The following CTTN variants were observed in gnomAD, a reference collection of about 807,000 sequenced individuals.
CTTN encodes the protein src substrate cortactin.
CTTN carries 28 observed loss-of-function variants against 84.0 expected under a neutral mutation model. The ratio of observed to expected loss-of-function variants is 0.33; its 90% confidence interval spans 0.25 to 0.46. CTTN has a LOEUF of 0.46. Among genes scored for constraint, CTTN ranks in the 20% least tolerant of loss-of-function variants. The pLI, the probability that CTTN is intolerant of heterozygous loss-of-function variation, is 1.00. For missense variants in CTTN, 641 were observed against 723.8 expected (o/e 0.89, Z 1.31); for synonymous variants, 301 against 288.8 (o/e 1.04, Z -0.43).
intron 1 of CTTN, among the ~76,000 whole-genome samples, chr11:70,400,886 C>T (rs7948535): frequency 0.091 from 13,878 of 152,244 alleles, 913 homozygotes; most frequent in Non-Finnish European, 0.12. Context: ...ATGTTGGGGG[C>T]GGGGTTTCCC....
chr11:70,435,253 G>GTTTTGT lies in CTTN; in HGVS notation c.*95_*96insGTTTTT, dbSNP rs1349850788. On this transcript the variant is annotated 3_prime_UTR_variant, in exon 18 of 18. Coordinates refer to ENST00000301843, the MANE Select transcript of CTTN (RefSeq NM_005231.4). ...TCTTGGGTGGTTTTGGGTTTTTTCTGTTTTTTTTTTTTTTTTTTTTTTTTT... is the reference window on the plus strand; with the variant it reads ...TCTTGGGTGGTTTTGGGTTTTTTCTGTTTTGTTTTTTTTTTTTTTTTTTTTTTTTTT... The GTTTTGT allele has an allele frequency of 3.9e-6, 3 of 760,282 alleles. No individual in the cohort carries two copies. The highest frequency in any genetic ancestry group is 7.6e-5 in the Admixed American group (1 of 13,216). The allele number at this position is 760,282 out of a possible 1,614,324, so 47.1% of individuals were successfully genotyped here. A position where few individuals can be genotyped will look rare whatever the true frequency, so the allele number is the denominator to read the frequency against.
intron 5 of CTTN, among the ~76,000 whole-genome samples, chr11:70,411,876 C>G (rs2058100052): frequency 1.3e-5 from 2 of 152,184 alleles, no homozygotes; most frequent in Admixed American, 1.3e-4. Flanking sequence ...CCCCTCCGGG[C>G]TGGGCTTTTC....
chr11:70,419,323 T>C (rs2058201632), intron 8 of CTTN, among the ~76,000 whole-genome samples: 1 of 152,044 alleles, frequency 6.6e-6, no homozygotes, highest in African/African-American at 2.4e-5. Context: ...TTGGTCAGGC[T>C]GGACTTAAAC....
At chr11:70,398,925 G>T (rs1317731622) in intron 1 of CTTN, among the ~76,000 whole-genome samples, 3 of 151,488 alleles carry the variant, frequency 2.0e-5, no homozygotes, top group Non-Finnish European at 4.4e-5. Context: ...CCAAATTGGG[G>T]TATCAGCTCT....
In CTTN at chr11:70,435,159, G is replaced by T; in HGVS notation, c.1650G>T (p.Gln550His). ...LFPANYVELRQ is the reference protein window; with the variant it reads ...LFPANYVELRH ...CAGCCAACTATGTGGAGCTGCGGCA[G>T]TAGGGCCCCCAGCCCCCCCCCGGAG... Residue 550 changes from glutamine (Q) to histidine (H), a missense_variant, in exon 18 of 18, where the codon CAG becomes CAT. This residue lies in a region of CTTN where 68 missense variants were observed against 102.2 expected (regional missense o/e 0.67). Coordinates refer to ENST00000301843, the MANE Select transcript of CTTN (RefSeq NM_005231.4). The T allele has an allele frequency of 1.2e-6, 2 of 1,605,026 alleles. No individual in the cohort carries two copies. The highest frequency in any genetic ancestry group is 1.1e-5 in the South Asian group (1 of 90,740).
chr11:70,398,918 A>G (rs2057941811), intron 1 of CTTN, among the ~76,000 whole-genome samples: 1 of 149,920 alleles, frequency 6.7e-6, no homozygotes, highest in East Asian at 2.0e-4. Flanking sequence ...AAAGGGGCCA[A>G]ATTGGGGTAT....
Position 70,435,127 on chromosome 11 carries a change from C to G in CTTN, c.1618C>G (p.Leu540Val), listed in dbSNP as rs751499583. 6.2e-7 allele frequency: 1 copy of G among 1,613,194 alleles called. No homozygotes were observed. Among genetic ancestry groups the G allele is most frequent in the Non-Finnish European group, 8.5e-7 (1 of 1,179,910 alleles). Reference sequence around the variant, plus strand: ...CGGGGTGTGCAAGGGCCGGTACGGGCTCTTCCCAGCCAACTATGTGGAGCT... The same window carrying G: ...CGGGGTGTGCAAGGGCCGGTACGGGGTCTTCCCAGCCAACTATGTGGAGCT... ...WRGVCKGRYG[L>V]FPANYVELRQ Residue 540 changes from leucine (L) to valine (V), a missense_variant, in exon 18 of 18, where the codon CTC becomes GTC. This residue lies in a region of CTTN where 68 missense variants were observed against 102.2 expected (regional missense o/e 0.67). Coordinates refer to ENST00000301843, the MANE Select transcript of CTTN (RefSeq NM_005231.4).
chr11:70,406,958 C>T (rs1206560470), intron 2 of CTTN, among the ~76,000 whole-genome samples: 2 of 152,168 alleles, frequency 1.3e-5, no homozygotes, highest in African/African-American at 4.8e-5. Context: ...AAACTATCAT[C>T]ATATGATTGA....
At chr11:70,404,485 A>G (rs1311240162) in intron 1 of CTTN, among the ~76,000 whole-genome samples, 9 of 152,162 alleles carry the variant, frequency 5.9e-5, no homozygotes, top group Admixed American at 5.9e-4. Flanking sequence ...TGCCAGTCTC[A>G]TGTCTTGATA....
intron 2 of CTTN, among the ~76,000 whole-genome samples, chr11:70,406,090 C>G (rs1253277821): frequency 6.6e-6 from 1 of 152,254 alleles, no homozygotes; most frequent in Non-Finnish European, 1.5e-5. Context: ...AAAAGCAGAT[C>G]ACTCTGGAAA....
intron 4 of CTTN, 30 bp downstream of exon 4, chr11:70,407,621 G>C (rs778345095): frequency 1.2e-6 from 2 of 1,608,634 alleles, no homozygotes; most frequent in Non-Finnish European, 1.7e-6. Context: ...CCCTCCCGAG[G>C]GCCCCTCTGC....
At chr11:70,421,774 C>A in intron 11 of CTTN, 194 bp downstream of exon 11, 1 of 587,040 alleles carries the variant, frequency 1.7e-6, no homozygotes, top group South Asian at 2.0e-5. Context: ...CACTTTCTTC[C>A]CTGTGAACTT....
Position 70,421,553 on chromosome 11 carries a change from A to G in CTTN, c.874A>G (p.Lys292Glu), listed in dbSNP as rs2058236637. ...SAAVGFDYKEKLAKHESQQDY... is the reference protein window; with the variant it reads ...SAAVGFDYKEELAKHESQQDY... ...TGCTGTGGGGTTTGATTACAAGGAG[A>G]AGCTGGCCAAGCACGAGTCCCAGCA... is the stretch of plus-strand genomic sequence containing the variant. Residue 292 changes from lysine (K) to glutamate (E), a missense_variant, in exon 11 of 18, where the codon AAG becomes GAG. Lys to Glu is a moderately conservative substitution (Grantham distance 56). Around this residue, in one of 3 missense-constraint regions of CTTN, gnomAD observed 289 missense variants for 273.1 expected, o/e 1.06. Transcript: ENST00000301843. 1.2e-6 allele frequency: 2 copies of G among 1,613,944 alleles called. No individual in the cohort carries two copies. Among genetic ancestry groups the G allele is most frequent in the Non-Finnish European group, 1.7e-6 (2 of 1,179,934 alleles).
Position 70,433,272 on chromosome 11 carries a change from C to T in CTTN, c.1438C>T (p.Pro480Ser), listed in dbSNP as rs773345646. 2 of 1,608,424 alleles carry T rather than the reference C, an allele frequency of 1.2e-6. No individual in the cohort carries two copies. Among genetic ancestry groups the T allele is most frequent in the Middle Eastern group, 1.9e-4 (1 of 5,346 alleles). ...YESAEAPGHYPAEDSTYDEYE... is the reference protein window; with the variant it reads ...YESAEAPGHYSAEDSTYDEYE... ...AAGCGCAGAGGCCCCGGGCCACTAT[C>T]CCGCAGGTACTGGGGCCCCACGCTG... The change falls in exon 16 of 18, where the codon CCC becomes TCC. Residue 480 changes from proline (P) to serine (S), a missense_variant. Coordinates refer to ENST00000301843, the MANE Select transcript of CTTN (RefSeq NM_005231.4).
Position 70,435,251 on chromosome 11 carries a change from CTGTTTT to C in CTTN, c.*91_*96del. On this transcript the variant is annotated 3_prime_UTR_variant, in exon 18 of 18. Transcript: ENST00000301843. ...GTTCTTGGGTGGTTTTGGGTTTTTTCTGTTTTTTTTTTTTTTTTTTTTTTTTTGAAG... is the reference window on the plus strand; with the variant it reads ...GTTCTTGGGTGGTTTTGGGTTTTTTCTTTTTTTTTTTTTTTTTTTTTGAAG... 1.0e-6 allele frequency: 1 copy of C among 978,284 alleles called. No homozygotes were observed. The highest frequency in any genetic ancestry group is 2.5e-5 in the South Asian group (1 of 39,786). 60.6% of individuals were successfully genotyped at this position (978,284 alleles called of 1,614,324 possible).
rs35955195 is a variant in CTTN, at chr11:70,422,974, G to A, written c.936G>A (p.Val312=). The A allele has an allele frequency of 9.5e-4, 1,539 of 1,614,052 alleles. 18 individuals carry two copies. In the African/African-American group the frequency reaches 0.018, roughly 19 times the overall value. Residue 312 remains valine, a synonymous_variant, in exon 12 of 18, where the codon GTG becomes GTA. Coordinates refer to ENST00000301843, the MANE Select transcript of CTTN (RefSeq NM_005231.4). Reference sequence around the variant, plus strand: ...AAGGATTCGGCGGGAAGTATGGGGTGCAGAAGGATCGGATGGATAAGGTAA... The same window carrying A: ...AAGGATTCGGCGGGAAGTATGGGGTACAGAAGGATCGGATGGATAAGGTAA... ...YSKGFGGKYG[V]QKDRMDKNAS...
In CTTN at chr11:70,436,455, A is replaced by G; in HGVS notation, c.*1293A>G. On this transcript the variant is annotated 3_prime_UTR_variant, in exon 18 of 18. Transcript: ENST00000301843. Reference sequence around the variant, plus strand: ...TGCATTTTCTCATCATCCTTGCTTTACCACAATGAGCAATGAGGTCGGGTT... The same window carrying G: ...TGCATTTTCTCATCATCCTTGCTTTGCCACAATGAGCAATGAGGTCGGGTT... The G allele has an allele frequency of 1.3e-6, 2 of 1,560,296 alleles. No individual in the cohort carries two copies. The highest frequency in any genetic ancestry group is 8.7e-7 in the Non-Finnish European group (1 of 1,147,168).
At chr11:70,429,346 T>C in intron 14 of CTTN, 147 bp downstream of exon 14, 1 of 860,490 alleles carries the variant, frequency 1.2e-6, no homozygotes, top group Non-Finnish European at 1.8e-6. Context: ...GGCTCTCCAT[T>C]AAGGCACTTG....
chr11:70,417,060 G>A lies in CTTN; in HGVS notation c.505G>A (p.Val169Ile), dbSNP rs752511791. 24 of 1,614,236 alleles carry A rather than the reference G, an allele frequency of 1.5e-5. No individual in the cohort carries two copies. In the South Asian group the frequency reaches 2.6e-4, roughly 18 times the overall value. The change falls in exon 8 of 18, where the codon GTA (valine) becomes ATA (isoleucine). Residue 169 changes from valine (V) to isoleucine (I), a missense_variant. By Grantham distance (29) the Val-to-Ile change is conservative. Around this residue, in one of 3 missense-constraint regions of CTTN, gnomAD observed 284 missense variants for 348.4 expected, o/e 0.82. Transcript: ENST00000301843. Reference protein sequence around the residue: ...GGKYGVQADRVDKSAVGFDYQ... With the variant: ...GGKYGVQADRIDKSAVGFDYQ... Reference sequence around the variant, plus strand: ...CAAGTATGGCGTGCAGGCCGACCGAGTAGACAAGAGCGCGGTGGGCTTCGA... The same window carrying A: ...CAAGTATGGCGTGCAGGCCGACCGAATAGACAAGAGCGCGGTGGGCTTCGA...
Sources: allele counts gnomAD v4.1 joint callset (sites outside exome capture counted in the v4.1 genomes callset), GRCh38; gene constraint gnomAD v4.1.1; regional missense constraint gnomAD v4.1.1; transcripts MANE v1.5; gene names NCBI Gene and HGNC (gene_info 2026-07-23, HGNC 2026-07-21).